The following PARD3B variants were observed in gnomAD, a reference collection of about 807,000 sequenced individuals.
The protein encoded by PARD3B is partitioning defective 3 homolog B.
PARD3B carries 103 observed loss-of-function variants against 130.2 expected under a neutral mutation model. That is an observed-to-expected ratio of 0.79 (90% CI 0.67 to 0.93). PARD3B has a LOEUF of 0.93. Among genes scored for constraint, PARD3B ranks in the 40% least tolerant of loss-of-function variants. The pLI is 0.00. For synonymous variants in PARD3B, 583 were observed against 553.2 expected (o/e 1.05, Z -0.76); for missense variants, 1,609 against 1,499.2 (o/e 1.07, Z -1.21).
intron 3 of PARD3B, among the ~76,000 whole-genome samples, chr2:205,000,666 T>G (rs1694753295): frequency 6.6e-6 from 1 of 152,186 alleles, no homozygotes; most frequent in African/African-American, 2.4e-5. Flanking sequence ...ATGCTCACAT[T>G]TTACAGGTTC....
chr2:205,572,609 G>A lies in PARD3B; in HGVS notation c.3260+19206G>A, dbSNP rs996882707. Among the ~76,000 whole-genome samples the A allele has an allele frequency of 6.6e-6, 1 of 152,186 alleles. No individual in the cohort carries two copies. Among genetic ancestry groups the A allele is most frequent in the South Asian group, 2.1e-4 (1 of 4,822 alleles). ...AAATACAAAAAATTAGCCGGGCATAGTGGTGGGCACCTGTAGTCCCAGTTA... is the reference window on the plus strand; with the variant it reads ...AAATACAAAAAATTAGCCGGGCATAATGGTGGGCACCTGTAGTCCCAGTTA... On this transcript the variant is annotated intron_variant, in intron 22 of 22. Transcript: ENST00000406610. The surrounding 1 kb of genome is among the most constrained non-coding windows in gnomAD (Gnocchi z 4.2).
At chr2:205,604,955 A>G (rs185887765) in intron 22 of PARD3B, among the ~76,000 whole-genome samples, 1 of 152,306 alleles carries the variant, frequency 6.6e-6, no homozygotes, top group East Asian at 1.9e-4. Flanking sequence ...TTTCAGCAAG[A>G]TAGTCTTCAA....
intron 21 of PARD3B, among the ~76,000 whole-genome samples, chr2:205,523,772 C>T (rs1409768999): frequency 6.7e-6 from 1 of 149,120 alleles, no homozygotes; most frequent in Non-Finnish European, 1.5e-5. Context: ...GCTATGACAG[C>T]TCCATTGCTC....
chr2:205,436,471 C>T (rs2106146696), intron 19 of PARD3B, among the ~76,000 whole-genome samples: 1 of 152,156 alleles, frequency 6.6e-6, no homozygotes, highest in African/African-American at 2.4e-5. Flanking sequence ...CTTGATTTTC[C>T]TCCTTGAGAC....
chr2:205,613,133 T>C (rs988935528), intron 22 of PARD3B, among the ~76,000 whole-genome samples: 1 of 152,256 alleles, frequency 6.6e-6, no homozygotes, highest in African/African-American at 2.4e-5. Context: ...ATTCTTCCTT[T>C]CTCTCTTTCC....
chr2:205,564,948 G>C lies in PARD3B; in HGVS notation c.3260+11545G>C, dbSNP rs74711592. Among the ~76,000 whole-genome samples the C allele has an allele frequency of 7.4e-4, 112 of 152,318 alleles. No individual in the cohort carries two copies. The East Asian group carries it at 0.021, about 28-fold the overall frequency. Reference sequence around the variant, plus strand: ...AGAGGGTTGCCCCACTCTGCAATCAGAACTGACCCTTATGGCCGAACATGG... The same window carrying C: ...AGAGGGTTGCCCCACTCTGCAATCACAACTGACCCTTATGGCCGAACATGG... On this transcript the variant is annotated intron_variant, in intron 22 of 22. Coordinates refer to ENST00000406610, the MANE Select transcript of PARD3B (RefSeq NM_001302769.2). This position sits in a 1 kb window ranked among gnomAD's most constrained non-coding sequence, Gnocchi z 4.6.
At chr2:205,064,404 G>A (rs569517941) in intron 4 of PARD3B, among the ~76,000 whole-genome samples, 20 of 152,242 alleles carry the variant, frequency 1.3e-4, no homozygotes, top group African/African-American at 4.8e-4. Context: ...GGAGACATGC[G>A]TGGCTGCTAA....
At chr2:205,412,698 C>T (rs849264) in intron 19 of PARD3B, among the ~76,000 whole-genome samples, 152,117 of 152,302 alleles carry the variant, frequency 1, 75,966 homozygotes, top group Non-Finnish European at 1. Flanking sequence ...TTCATACTTT[C>T]TGAGATTAAC....
At chr2:204,561,594 A>ATT (rs549784375) in intron 1 of PARD3B, among the ~76,000 whole-genome samples, 32 of 124,970 alleles carry the variant, frequency 2.6e-4, no homozygotes, top group Non-Finnish European at 4.3e-4. Flanking sequence ...TCTCCCTTGT[A>ATT]TTTTTTTTTT....
At position 205,575,345 on chromosome 2, in the gene PARD3B, C is replaced by T. The variant is rs2053718166; in HGVS notation, c.3260+21942C>T. On this transcript the variant is annotated intron_variant, in intron 22 of 22. Transcript: ENST00000406610. This position sits in a 1 kb window ranked among gnomAD's most constrained non-coding sequence, Gnocchi z 4.6. ...AACATTCCCAACTGCAGTGGTAAAA[C>T]TGTTACATCTGATGACCCTGCATTG... Among the ~76,000 whole-genome samples, 1 of 151,914 alleles carries T rather than the reference C, an allele frequency of 6.6e-6. No individual in the cohort carries two copies.
At chr2:204,913,291 C>T (rs2047314786) in intron 2 of PARD3B, among the ~76,000 whole-genome samples, 1 of 152,128 alleles carries the variant, frequency 6.6e-6, no homozygotes, top group Non-Finnish European at 1.5e-5. Flanking sequence ...TGATTCTGGG[C>T]TCCAGAATCA....
At chr2:205,103,376 A>G (rs148725626) in intron 4 of PARD3B, among the ~76,000 whole-genome samples, 5,305 of 146,646 alleles carry the variant, frequency 0.036, 197 homozygotes, top group African/African-American at 0.094. Flanking sequence ...TTTATGTAAA[A>G]TAAATATTTA....
rs2033717394 is a variant in PARD3B, at chr2:204,606,201, A to ATGT, written c.120+60083_120+60085dup. ...ATTTTTGTCTTTGAGTTTGCCACAC[A>ATGT]TGTGGCATAGTGCAGCGCCTTATGT... On this transcript the variant is annotated intron_variant, in intron 1 of 22. Transcript: ENST00000406610. This position sits in a 1 kb window ranked among gnomAD's most constrained non-coding sequence, Gnocchi z 4.0. Among the ~76,000 whole-genome samples the ATGT allele has an allele frequency of 1.3e-5, 2 of 152,144 alleles. No homozygotes were observed. Among genetic ancestry groups the ATGT allele is most frequent in the Admixed American group, 6.6e-5 (1 of 15,262 alleles).
At chr2:205,420,585 G>T (rs893133603) in intron 19 of PARD3B, among the ~76,000 whole-genome samples, 3 of 152,172 alleles carry the variant, frequency 2.0e-5, no homozygotes, top group Non-Finnish European at 4.4e-5. Context: ...GGAACTGTCT[G>T]GGTGAGGAGG....
intron 3 of PARD3B, among the ~76,000 whole-genome samples, chr2:205,026,514 C>T (rs150829727): frequency 3.5e-4 from 53 of 152,162 alleles, no homozygotes; most frequent in East Asian, 1.7e-3. Context: ...TCCTTAGTTA[C>T]CATTTGTGCA....
At chr2:205,335,277 T>C (rs1159365086) in intron 18 of PARD3B, among the ~76,000 whole-genome samples, 3 of 152,212 alleles carry the variant, frequency 2.0e-5, no homozygotes, top group Non-Finnish European at 4.4e-5. Flanking sequence ...GTGGGAAGTC[T>C]CAGGAACAGA....
chr2:204,786,787 A>G lies in PARD3B; in HGVS notation c.222+100505A>G, dbSNP rs140108336. Among the ~76,000 whole-genome samples the G allele has an allele frequency of 1.1e-4, 16 of 151,844 alleles. No individual in the cohort carries two copies. The East Asian group carries it at 1.9e-3, about 18-fold the overall frequency. On this transcript the variant is annotated intron_variant, in intron 2 of 22. Coordinates refer to ENST00000406610, the MANE Select transcript of PARD3B (RefSeq NM_001302769.2). ...GGTGTATGACATTACCACCAATGCAATGAGAAACCGTATTCATCATGATAC... is the reference window on the plus strand; with the variant it reads ...GGTGTATGACATTACCACCAATGCAGTGAGAAACCGTATTCATCATGATAC...
In PARD3B at chr2:205,113,521, G is replaced by A. The variant is rs1165422426; in HGVS notation, c.624G>A (p.Gly208=). Reference sequence around the variant, plus strand: ...TGACAAGAACAGTGGAGATTTCTGGGGAAGGAGGCCCATTGGGAATACATG... The same window carrying A: ...TGACAAGAACAGTGGAGATTTCTGGAGAAGGAGGCCCATTGGGAATACATG... ...SDMTRTVEIS[G]EGGPLGIHVV... The change falls in exon 6 of 23, where the codon GGG becomes GGA. Residue 208 remains glycine, a synonymous_variant. Coordinates refer to ENST00000406610, the MANE Select transcript of PARD3B (RefSeq NM_001302769.2). 6.2e-7 allele frequency: 1 copy of A among 1,613,208 alleles called. No homozygotes were observed. The highest frequency in any genetic ancestry group is 1.7e-5 in the Admixed American group (1 of 59,902).
chr2:204,575,582 C>A (rs1373319708), intron 1 of PARD3B, among the ~76,000 whole-genome samples: 2 of 152,158 alleles, frequency 1.3e-5, no homozygotes, highest in East Asian at 3.9e-4. Context: ...GCTGGAAATG[C>A]TTTTGGATGA....
Sources: gnomAD v4.1 joint callset for allele counts (sites outside exome capture counted in the v4.1 genomes callset) on GRCh38, gnomAD v4.1.1 for gene constraint, Gnocchi (gnomAD v3.1) non-coding constraint, MANE v1.5 for transcripts, NCBI Gene and HGNC (gene_info 2026-07-23, HGNC 2026-07-21) for gene names.